PLCB1: variants seen among roughly 807,000 people sequenced by gnomAD.
PLCB1 encodes the protein phospholipase C beta 1, also known as 1-phosphatidylinositol 4,5-bisphosphate phosphodiesterase beta-1.
In PLCB1, 46 loss-of-function variants were observed where a neutral mutation model predicts 161.8. The observed-to-expected ratio is 0.28, with a 90% CI of 0.22 to 0.36. PLCB1 has a LOEUF of 0.36. Among genes scored for constraint, PLCB1 ranks in the 10% least tolerant of loss-of-function variants. The pLI is 1.00. For missense variants in PLCB1, 1,016 were observed against 1,472.5 expected (o/e 0.69, Z 5.07); for synonymous variants, 517 against 503.7 (o/e 1.03, Z -0.35).
intron 27 of PLCB1, among the ~76,000 whole-genome samples, chr20:8,784,227 A>G (rs1049400335): frequency 6.6e-6 from 1 of 152,112 alleles, no homozygotes; most frequent in African/African-American, 2.4e-5. Flanking sequence ...AAAATAGTAA[A>G]TGCCGTGTGG....
In PLCB1 at chr20:8,205,397, T is replaced by G. The variant is rs77167659; in HGVS notation, c.177+55026T>G. Among the ~76,000 whole-genome samples, 1,110 of 152,284 alleles carry G rather than the reference T, an allele frequency of 7.3e-3. 13 individuals are homozygous for G. The highest frequency in any genetic ancestry group is 0.025 in the African/African-American group (1,038 of 41,550). On this transcript the variant is annotated intron_variant, in intron 2 of 31. Coordinates refer to ENST00000338037, the MANE Select transcript of PLCB1 (RefSeq NM_015192.4). ...CCAGCTACTGATTTATTGAAAACACTGAGAAGAGAAATGTATGATTAAATG... is the reference window on the plus strand; with the variant it reads ...CCAGCTACTGATTTATTGAAAACACGGAGAAGAGAAATGTATGATTAAATG...
At chr20:8,586,627 A>G (rs1987000223) in intron 3 of PLCB1, among the ~76,000 whole-genome samples, 1 of 152,158 alleles carries the variant, frequency 6.6e-6, no homozygotes, top group South Asian at 2.1e-4. Flanking sequence ...CCCGCTATAG[A>G]CCTTAGTGGT....
chr20:8,732,682 TTATA>T (rs1224099930), intron 18 of PLCB1, among the ~76,000 whole-genome samples: 1 of 143,852 alleles, frequency 7.0e-6, no homozygotes, highest in Non-Finnish European at 1.5e-5. Flanking sequence ...AATATATGCT[TTATA>T]TATTAGAATG....
intron 2 of PLCB1, among the ~76,000 whole-genome samples, chr20:8,276,933 T>TTCC (rs1458908192): frequency 0.048 from 1,279 of 26,828 alleles, 18 homozygotes; most frequent in African/African-American, 0.096. Context: ...TCTTTTCTTC[T>TTCC]TCTTCTTCTT....
chr20:8,154,243 CCTAT>C (rs1400915177), intron 2 of PLCB1, among the ~76,000 whole-genome samples: 4 of 152,116 alleles, frequency 2.6e-5, no homozygotes, highest in African/African-American at 9.7e-5. Flanking sequence ...GTTAAATTGG[CCTAT>C]CTTAGGGAAT....
intron 3 of PLCB1, among the ~76,000 whole-genome samples, chr20:8,519,558 T>C (rs1984270501): frequency 6.6e-6 from 1 of 152,154 alleles, no homozygotes; most frequent in African/African-American, 2.4e-5. Context: ...GGGGTTATTC[T>C]TAGGGATCAG....
At chr20:8,704,996 T>TTTTTTTTTTTTC (rs1276112736) in intron 11 of PLCB1, among the ~76,000 whole-genome samples, 2 of 150,136 alleles carry the variant, frequency 1.3e-5, no homozygotes, top group Non-Finnish European at 3.0e-5. Flanking sequence ...TTTTTTTTTT[T>TTTTTTTTTTTTC]TCCTATTCAG....
At chr20:8,742,266 T>C (rs942144119) in intron 23 of PLCB1, among the ~76,000 whole-genome samples, 16 of 152,178 alleles carry the variant, frequency 1.1e-4, no homozygotes, top group African/African-American at 3.4e-4. Flanking sequence ...AAAATAGTGA[T>C]AAAAATTTGC....
intron 3 of PLCB1, among the ~76,000 whole-genome samples, chr20:8,542,045 A>G (rs1407414427): frequency 6.6e-6 from 1 of 152,248 alleles, no homozygotes; most frequent in Non-Finnish European, 1.5e-5. Flanking sequence ...AAGATGCTAC[A>G]TGAATTCAGA....
At chr20:8,664,758 A>T (rs1243983515) in intron 9 of PLCB1, among the ~76,000 whole-genome samples, 4 of 152,158 alleles carry the variant, frequency 2.6e-5, no homozygotes, top group Non-Finnish European at 5.9e-5. Flanking sequence ...TTCATCTCTC[A>T]TCATTTTCTC....
chr20:8,180,943 G>C lies in PLCB1; in HGVS notation c.177+30572G>C, dbSNP rs1188482729. 1.0e-4 allele frequency among the ~76,000 whole-genome samples: 3 copies of C among 28,712 alleles called. No individual in the cohort carries two copies. The African/African-American group carries it at 1.4e-3, about 14-fold the overall frequency. 18.8% of individuals were successfully genotyped at this position (28,712 alleles called of 152,430 possible). A position where few individuals can be genotyped will look rare whatever the true frequency, so the allele number is the denominator to read the frequency against. On this transcript the variant is annotated intron_variant, in intron 2 of 31. Transcript: ENST00000338037. Reference sequence around the variant, plus strand: ...TCATACATTCATAATGTAAAAGTGTGTGTGTGTGTGTGTGTGTGTGTGTGT... The same window carrying C: ...TCATACATTCATAATGTAAAAGTGTCTGTGTGTGTGTGTGTGTGTGTGTGT...
chr20:8,560,784 CAT>C (rs1212914232), intron 3 of PLCB1, among the ~76,000 whole-genome samples: 1 of 151,872 alleles, frequency 6.6e-6, no homozygotes, highest in East Asian at 1.9e-4. Context: ...AGTCTTTGAC[CAT>C]ATGTGTGTAT....
chr20:8,324,011 A>T (rs1053420660), intron 2 of PLCB1, among the ~76,000 whole-genome samples: 1 of 152,220 alleles, frequency 6.6e-6, no homozygotes, highest in Non-Finnish European at 1.5e-5. Context: ...TAGAAGTATG[A>T]TGTTGATTTC....
chr20:8,666,860 G>T (rs1434919330), intron 9 of PLCB1, among the ~76,000 whole-genome samples: 1 of 152,028 alleles, frequency 6.6e-6, no homozygotes, highest in Non-Finnish European at 1.5e-5. Context: ...GAATAGAGGG[G>T]AGCCTGGAGT....
intron 31 of PLCB1, among the ~76,000 whole-genome samples, chr20:8,842,317 T>A (rs1313281440): frequency 6.6e-6 from 1 of 152,222 alleles, no homozygotes; most frequent in Non-Finnish European, 1.5e-5. Context: ...CTATTTATTA[T>A]TAGAACTTCT....
At chr20:8,759,458 G>T (rs563927637) in intron 24 of PLCB1, among the ~76,000 whole-genome samples, 2 of 152,228 alleles carry the variant, frequency 1.3e-5, no homozygotes, top group African/African-American at 4.8e-5. Context: ...TCCTGTAACA[G>T]TTATTACTGC....
intron 31 of PLCB1, among the ~76,000 whole-genome samples, chr20:8,831,970 CTT>C (rs1986031205): frequency 1.1e-5 from 1 of 87,194 alleles, no homozygotes; most frequent in South Asian, 3.9e-4. Context: ...TTCTTTCTTT[CTT>C]TCTTTCTTTC....
chr20:8,343,733 A>T (rs1985897503), intron 2 of PLCB1, among the ~76,000 whole-genome samples: 1 of 152,210 alleles, frequency 6.6e-6, no homozygotes, highest in South Asian at 2.1e-4. Context: ...TATGAGATAT[A>T]GCCCACCCAG....
chr20:8,253,004 G>A (rs1389071906), intron 2 of PLCB1, among the ~76,000 whole-genome samples: 2 of 151,882 alleles, frequency 1.3e-5, no homozygotes, highest in African/African-American at 4.8e-5. Flanking sequence ...CTCACTCTCT[G>A]AAGTATTCCA....
Sources: gnomAD v4.1 joint callset for allele counts (sites outside exome capture counted in the v4.1 genomes callset) on GRCh38, gnomAD v4.1.1 for gene constraint, MANE v1.5 for transcripts, NCBI Gene and HGNC (gene_info 2026-07-23, HGNC 2026-07-21) for gene names.